ELL3: variants seen among roughly 807,000 people sequenced by gnomAD.
The protein encoded by ELL3 is RNA polymerase II elongation factor ELL3.
Under a neutral mutation model 58.5 loss-of-function variants are expected in ELL3, and 48 were observed. That is an observed-to-expected ratio of 0.82 (90% confidence interval 0.65 to 1.04). The LOEUF (loss-of-function observed/expected upper bound fraction) is 1.04, where lower values mean the gene tolerates loss of function less well. Among genes scored for constraint, ELL3 ranks in the 50% least tolerant of loss-of-function variants. The pLI is 0.00. For synonymous variants in ELL3, 174 were observed against 173.2 expected (o/e 1.00, Z -0.04); for missense variants, 458 against 478.4 (o/e 0.96, Z 0.40).
At chr15:43,773,532 A>C (rs2086893885) in intron 9 of ELL3, among the ~76,000 whole-genome samples, 184 bp from the exon 10 acceptor site, 1 of 151,966 alleles carries the variant, frequency 6.6e-6, no homozygotes. Flanking sequence ...AAAATACAAA[A>C]AAATTAGCTG....
Position 43,775,608 on chromosome 15 carries a change from C to T in ELL3, c.486G>A (p.Val162=), listed in dbSNP as rs746600602. ...VSQPQMALEE[V]SVSDPLASNQ... ...TGCTTGCCAGTGGATCTGACACTGA[C>T]ACCTGGTGGGGAAAGTGGCAGGAGC... Residue 162 remains valine, a splice_region_variant and synonymous_variant, in exon 5 of 11, where the codon GTG becomes GTA. Coordinates refer to ENST00000319359, the MANE Select transcript of ELL3 (RefSeq NM_025165.3). 5 of 1,614,212 alleles carry T rather than the reference C, an allele frequency of 3.1e-6. No individual in the cohort carries two copies. In the Admixed American group the frequency reaches 8.3e-5, roughly 27 times the overall value.
chr15:43,775,223 T>A, intron 6 of ELL3, 83 bp downstream of exon 6: 1 of 1,380,876 alleles, frequency 7.2e-7, no homozygotes, highest in Non-Finnish European at 9.8e-7. Flanking sequence ...TTAGCTTGAC[T>A]AAAAGTGCTT....
chr15:43,775,931 A>G lies in ELL3; in HGVS notation c.282-8T>C, dbSNP rs772456620. The G allele has an allele frequency of 6.2e-7, 1 of 1,614,002 alleles. No individual in the cohort carries two copies. The highest frequency in any genetic ancestry group is 8.5e-7 in the Non-Finnish European group (1 of 1,179,974). On this transcript the variant is annotated splice_region_variant and splice_polypyrimidine_tract_variant and intron_variant, in intron 3 of 10. Coordinates refer to ENST00000319359, the MANE Select transcript of ELL3 (RefSeq NM_025165.3). ...AGGCTGTTAGGCCCAGACCTGGAAA[A>G]GGATGGTGGAAAAAAATAGGAGGGT...
At chr15:43,774,962 A>G (rs1034208609) in intron 6 of ELL3, among the ~76,000 whole-genome samples, 189 bp from the exon 7 acceptor site, 1 of 152,000 alleles carries the variant, frequency 6.6e-6, no homozygotes, top group African/African-American at 2.4e-5. Flanking sequence ...GTGAGACCCT[A>G]TCTCTACAAA....
chr15:43,773,711 A>AG (rs1491271714), intron 9 of ELL3, among the ~76,000 whole-genome samples: 12 of 146,976 alleles, frequency 8.2e-5, no homozygotes, highest in Admixed American at 2.0e-4. Flanking sequence ...GAAAAAAAAA[A>AG]GAGAGAGGGG....
chr15:43,775,730 G>A lies in ELL3; in HGVS notation c.475C>T (p.Leu159=). 2 of 1,614,138 alleles carry A rather than the reference G, an allele frequency of 1.2e-6. No homozygotes were observed. Among genetic ancestry groups the A allele is most frequent in the Non-Finnish European group, 1.7e-6 (2 of 1,180,042 alleles). The change falls in exon 4 of 11, where the codon CTA becomes TTA. Residue 159 remains leucine (L), a synonymous_variant. Coordinates refer to ENST00000319359, the MANE Select transcript of ELL3 (RefSeq NM_025165.3). The stretch of plus-strand genomic sequence containing the variant: ...TTTCTGGCCTCACCCACCTCCTCTA[G>A]TGCCATCTGTGGCTGTGATACTGCA... ...GDAVSQPQMA[L]EEVSVSDPLA...
In ELL3 at chr15:43,773,048, T is replaced by G. The variant is rs1384767510; in HGVS notation, c.*68A>C. On this transcript the variant is annotated 3_prime_UTR_variant, in exon 11 of 11. Coordinates refer to ENST00000319359, the MANE Select transcript of ELL3 (RefSeq NM_025165.3). ...AAGAAAAGCAGATAGTTGCATTCTATTTAGTTTATAGCTGCTTTGTTCCTT... is the reference window on the plus strand; with the variant it reads ...AAGAAAAGCAGATAGTTGCATTCTAGTTAGTTTATAGCTGCTTTGTTCCTT... The G allele has an allele frequency of 1.4e-6, 2 of 1,395,910 alleles. No homozygotes were observed. Among genetic ancestry groups the G allele is most frequent in the Admixed American group, 4.5e-5 (2 of 44,860 alleles). The allele number at this position is 1,395,910 out of a possible 1,614,324, so 86.5% of individuals were successfully genotyped here. A position where few individuals can be genotyped will look rare whatever the true frequency, so the allele number is the denominator to read the frequency against.
In ELL3 at chr15:43,772,981, A is replaced by G; in HGVS notation, c.*135T>C. 1 of 804,372 alleles carries G rather than the reference A, an allele frequency of 1.2e-6. No homozygotes were observed. The highest frequency in any genetic ancestry group is 2.0e-6 in the Non-Finnish European group (1 of 503,502). The allele number at this position is 804,372 out of a possible 1,614,324, so 49.8% of individuals were successfully genotyped here. A position where few individuals can be genotyped will look rare whatever the true frequency, so the allele number is the denominator to read the frequency against. ...TGAAAACCAAACCTCAAGAACCTAG[A>G]GCAGCTCTCTACTTGCCACCATGGA... On this transcript the variant is annotated 3_prime_UTR_variant, in exon 11 of 11. Transcript: ENST00000319359.
At chr15:43,774,046 A>G in intron 9 of ELL3, 136 bp downstream of exon 9, 1 of 1,094,920 alleles carries the variant, frequency 9.1e-7, no homozygotes, top group Non-Finnish European at 1.3e-6. Context: ...CTACCAAATG[A>G]TACAGACTAA....
chr15:43,775,275 CAA>C, intron 6 of ELL3, 29 bp downstream of exon 6: 1 of 1,533,286 alleles, frequency 6.5e-7, no homozygotes, highest in Non-Finnish European at 8.8e-7. Context: ...ATTAATGTTA[CAA>C]AAAAAAAGCC....
chr15:43,776,066 A>G lies in ELL3; in HGVS notation c.254T>C (p.Leu85Ser), dbSNP rs764778001. Reference protein sequence around the residue: ...QCCQEGAGGSLDLVCQRFLRS... With the variant: ...QCCQEGAGGSSDLVCQRFLRS... The stretch of plus-strand genomic sequence containing the variant: ...GAGGAAGCGTTGGCACACAAGGTCC[A>G]AGCTACCACCAGCGCCCTCCTGACA... The change falls in exon 3 of 11, where the codon TTG becomes TCG. Residue 85 changes from leucine (L) to serine (S), a missense_variant. By Grantham distance (145) the Leu-to-Ser change is moderately radical (BLOSUM62 -2). Coordinates refer to ENST00000319359, the MANE Select transcript of ELL3 (RefSeq NM_025165.3). The G allele has an allele frequency of 6.2e-7, 1 of 1,614,112 alleles. No homozygotes were observed. The highest frequency in any genetic ancestry group is 1.1e-5 in the South Asian group (1 of 91,074).
Position 43,776,916 on chromosome 15 carries a change from G to C in ELL3, c.-15C>G, listed in dbSNP as rs1255566495. On this transcript the variant is annotated 5_prime_UTR_variant, in exon 1 of 11. Transcript: ENST00000319359. ...AGCTCCTCCATGGCGACGAGTTCGAGTGCAAGCAGCACGGGGGCCACAGGC... is the reference window on the plus strand; with the variant it reads ...AGCTCCTCCATGGCGACGAGTTCGACTGCAAGCAGCACGGGGGCCACAGGC... 2.5e-6 allele frequency: 4 copies of C among 1,608,666 alleles called. No homozygotes were observed. The African/African-American group carries it at 5.3e-5, about 21-fold the overall frequency.
At chr15:43,776,584 A>T (rs2086919713) in intron 1 of ELL3, 40 bp from the exon 2 acceptor site, 2 of 1,560,146 alleles carry the variant, frequency 1.3e-6, no homozygotes, top group East Asian at 4.8e-5. Flanking sequence ...AGCGCAGGTG[A>T]AGCAGTGTCC....
At chr15:43,773,402 G>A (rs568134304) in intron 9 of ELL3, 54 bp from the exon 10 acceptor site, 40 of 1,599,440 alleles carry the variant, frequency 2.5e-5, no homozygotes, top group Admixed American at 6.7e-5. Context: ...AGAGAGGGGC[G>A]GCCAGGCATG....
rs777151235 is a variant in ELL3, at chr15:43,776,869, C to G, written c.33G>C (p.Gln11His). 1.9e-6 allele frequency: 3 copies of G among 1,611,898 alleles called. No individual in the cohort carries two copies. Among genetic ancestry groups the G allele is most frequent in the Middle Eastern group, 1.7e-4 (1 of 6,056 alleles). MEELQEPLRG[Q>H]LRLCFTQAAR... ...CAGCTTGCGTGAAGCAGAGCCGGAG[C>G]TGTCCTCTCAGAGGCTCCTGGAGCT... The change falls in exon 1 of 11, where the codon CAG (glutamine) becomes CAC (histidine). Residue 11 changes from glutamine to histidine, a missense_variant. Transcript: ENST00000319359.
chr15:43,776,434 C>A (rs887197158), intron 2 of ELL3, 75 bp downstream of exon 2: 21 of 1,549,490 alleles, frequency 1.4e-5, no homozygotes, highest in Non-Finnish European at 1.8e-5. Context: ...CGGCCCCGAC[C>A]GCACCTTCCA....
Position 43,774,458 on chromosome 15 carries a change from A to G in ELL3, c.866+18T>C. On this transcript the variant is annotated intron_variant, in intron 8 of 10. Coordinates refer to ENST00000319359, the MANE Select transcript of ELL3 (RefSeq NM_025165.3). ...TATGAACAAGTCTTGATGAAATTGG[A>G]AAAAGCAAGGAACTCACAGGAGGTA... 3 of 1,614,012 alleles carry G rather than the reference A, an allele frequency of 1.9e-6. No homozygotes were observed. The highest frequency in any genetic ancestry group is 2.5e-6 in the Non-Finnish European group (3 of 1,179,994).
chr15:43,775,697 C>T (rs373378172), intron 4 of ELL3, 25 bp downstream of exon 4: 1 of 1,613,944 alleles, frequency 6.2e-7, no homozygotes, highest in Non-Finnish European at 8.5e-7. Flanking sequence ...TATCACAACT[C>T]CCTGCAATTT....
Position 43,776,519 on chromosome 15 carries a change from C to T in ELL3, c.158G>A (p.Gly53Asp). The T allele has an allele frequency of 6.4e-7, 1 of 1,566,972 alleles. No individual in the cohort carries two copies. Among genetic ancestry groups the T allele is most frequent in the African/African-American group, 1.3e-5 (1 of 74,090 alleles). ...QQVRPVIAFQGHRGYLRLPGP... is the reference protein window; with the variant it reads ...QQVRPVIAFQDHRGYLRLPGP... ...TGAGCTCGCACTTACCCCTCGGTGGCCTTGGAAAGCAATCACCGGCCGTAC... is the reference window on the plus strand; with the variant it reads ...TGAGCTCGCACTTACCCCTCGGTGGTCTTGGAAAGCAATCACCGGCCGTAC... The change falls in exon 2 of 11, where the codon GGC (glycine) becomes GAC (aspartate). Residue 53 changes from glycine to aspartate, a missense_variant. By Grantham distance (94) the Gly-to-Asp change is moderately conservative (BLOSUM62 -1). Coordinates refer to ENST00000319359, the MANE Select transcript of ELL3 (RefSeq NM_025165.3).
Sources: allele counts gnomAD v4.1 joint callset (sites outside exome capture counted in the v4.1 genomes callset), GRCh38; gene constraint gnomAD v4.1.1; transcripts MANE v1.5; gene names NCBI Gene and HGNC (gene_info 2026-07-23, HGNC 2026-07-21).